AP1S2: variants seen among roughly 807,000 people sequenced by gnomAD.
The protein encoded by AP1S2 is adaptor related protein complex 1 subunit sigma 2.
In AP1S2, 1 loss-of-function variant was observed where a neutral mutation model predicts 14.3. The ratio of observed to expected loss-of-function variants is 0.07; its 90% CI spans 0.02 to 0.33. The LOEUF (loss-of-function observed/expected upper bound fraction) is 0.33. AP1S2 is among the 10% of genes least tolerant of loss of function. The pLI is 0.99. For missense variants in AP1S2, 30 were observed against 117.7 expected (o/e 0.25, Z 3.45); for synonymous variants, 30 against 40.5 (o/e 0.74, Z 0.99).
chrX:15,847,977 A>G (rs1934049352), intron 2 of AP1S2, among the ~76,000 whole-genome samples: 1 of 112,044 alleles, frequency 8.9e-6, no homozygotes, highest in Non-Finnish European at 1.9e-5. Flanking sequence ...CCTTATCCAC[A>G]GTACTGCCTC....
intron 4 of AP1S2, among the ~76,000 whole-genome samples, chrX:15,844,464 T>A (rs1174092073): frequency 3.6e-4 from 41 of 112,818 alleles, no homozygotes; most frequent in African/African-American, 1.3e-3. Flanking sequence ...TCAAGACTTT[T>A]ACATACATGC....
At chrX:15,845,856 C>T in intron 3 of AP1S2, 47 bp downstream of exon 3, 1 of 1,065,333 alleles carries the variant, frequency 9.4e-7, no homozygotes, top group Non-Finnish European at 1.3e-6. Flanking sequence ...GAAAAGGTTC[C>T]AAAATATACT....
intron 4 of AP1S2, among the ~76,000 whole-genome samples, chrX:15,836,778 G>A (rs1318104921): frequency 9.0e-6 from 1 of 111,516 alleles, no homozygotes; most frequent in Non-Finnish European, 1.9e-5. Flanking sequence ...CAGCTACTCG[G>A]GAGGCTGAGG....
intron 4 of AP1S2, chrX:15,832,565 A>G: frequency 4.9e-5 from 37 of 755,599 alleles, no homozygotes; most frequent in Non-Finnish European, 5.6e-5. Context: ...AGCAAGTTAA[A>G]ATCATATTAA....
chrX:15,851,305 T>C (rs1367132012), intron 2 of AP1S2, among the ~76,000 whole-genome samples: 1 of 111,987 alleles, frequency 8.9e-6, no homozygotes, highest in African/African-American at 3.2e-5. Context: ...TTTAAGAAAC[T>C]TATGTCTTGT....
At chrX:15,851,320 T>G (rs1333831446) in intron 2 of AP1S2, among the ~76,000 whole-genome samples, 1 of 112,148 alleles carries the variant, frequency 8.9e-6, no homozygotes, top group East Asian at 2.8e-4. Flanking sequence ...TCTTGTAATC[T>G]CCATTTCTTC....
chrX:15,846,094 G>GC (rs763717703), intron 2 of AP1S2, 83 bp from the exon 3 acceptor site: 1 of 724,731 alleles, frequency 1.4e-6, no homozygotes, highest in East Asian at 3.2e-5. Flanking sequence ...ATTATGAAAA[G>GC]CCCCAAGTTT....
chrX:15,830,341 CTGAT>C (rs780043511), intron 4 of AP1S2: 1 of 752,151 alleles, frequency 1.3e-6, no homozygotes, highest in Non-Finnish European at 1.6e-6. Flanking sequence ...AATTTCCCAC[CTGAT>C]TGATAGCACA....
intron 4 of AP1S2, among the ~76,000 whole-genome samples, chrX:15,838,527 T>C: frequency 9.2e-6 from 1 of 109,146 alleles, no homozygotes; most frequent in Non-Finnish European, 1.9e-5. Flanking sequence ...CCACAGACTA[T>C]TCCCTTTGCA....
chrX:15,841,924 C>A (rs1933847818), intron 4 of AP1S2, among the ~76,000 whole-genome samples: 1 of 112,017 alleles, frequency 8.9e-6, no homozygotes, highest in African/African-American at 3.2e-5. Flanking sequence ...CCTAGTAGAT[C>A]TGGGTTTAGA....
chrX:15,839,627 C>T (rs993052253), intron 4 of AP1S2, among the ~76,000 whole-genome samples: 1 of 107,945 alleles, frequency 9.3e-6, no homozygotes, highest in Non-Finnish European at 1.9e-5. Context: ...ACTACAGACA[C>T]ACACCACCAT....
chrX:15,854,454 C>T (rs1198002010), intron 1 of AP1S2, among the ~76,000 whole-genome samples: 1 of 112,485 alleles, frequency 8.9e-6, no homozygotes, highest in East Asian at 2.8e-4. Context: ...CCACAGGTGC[C>T]GCGAGGCTGT....
intron 4 of AP1S2, among the ~76,000 whole-genome samples, chrX:15,844,215 T>C (rs757896810): frequency 8.9e-6 from 1 of 112,120 alleles, no homozygotes; most frequent in South Asian, 3.7e-4. Flanking sequence ...CCTCACAGAG[T>C]CCAAGAGTTA....
chrX:15,845,149 G>A (rs373715259), intron 4 of AP1S2: 4 of 753,899 alleles, frequency 5.3e-6, no homozygotes, highest in African/African-American at 2.3e-5. Flanking sequence ...TCCAAAAAGG[G>A]CCATTGGGAA....
intron 2 of AP1S2, among the ~76,000 whole-genome samples, chrX:15,851,270 C>A (rs765708708): frequency 6.2e-5 from 7 of 112,222 alleles, no homozygotes; most frequent in Non-Finnish European, 1.3e-4. Flanking sequence ...AAAGATCATT[C>A]AATAATAAAG....
intron 4 of AP1S2, chrX:15,829,985 G>T: frequency 1.9e-6 from 1 of 527,021 alleles, no homozygotes; most frequent in Non-Finnish European, 2.3e-6. Context: ...TAAAAAATTT[G>T]CCTAGAAAAA....
chrX:15,845,060 C>T lies in AP1S2; in HGVS notation c.426+319G>A, dbSNP rs765005578. ...GAAGCAATAGATGGAGAGTTCTCAACTTACTGCTACTTTCAGCCAATCTTT... is the reference window on the plus strand; with the variant it reads ...GAAGCAATAGATGGAGAGTTCTCAATTTACTGCTACTTTCAGCCAATCTTT... On this transcript the variant is annotated intron_variant, in intron 4 of 5. Transcript: ENST00000672987. 42 of 749,861 alleles carry T rather than the reference C, an allele frequency of 5.6e-5. 1 individual carries two copies. In the South Asian group the frequency reaches 2.4e-3, roughly 43 times the overall value. The allele number at this position is 749,861 out of a possible 1,213,427, so 61.8% of individuals were successfully genotyped here. A position where few individuals can be genotyped will look rare whatever the true frequency, so the allele number is the denominator to read the frequency against.
chrX:15,842,307 T>C (rs1448425781), intron 4 of AP1S2, among the ~76,000 whole-genome samples: 3 of 112,306 alleles, frequency 2.7e-5, no homozygotes, highest in Non-Finnish European at 5.6e-5. Context: ...ATCTTGCCAT[T>C]CCTGCATTTC....
At chrX:15,833,804 A>G (rs1933507846) in intron 4 of AP1S2, among the ~76,000 whole-genome samples, 1 of 111,633 alleles carries the variant, frequency 9.0e-6, no homozygotes, top group Admixed American at 9.5e-5. Flanking sequence ...AAATTATATC[A>G]ATTAGGAATT....
Sources: gnomAD v4.1 joint callset for allele counts (sites outside exome capture counted in the v4.1 genomes callset) on GRCh38, gnomAD v4.1.1 for gene constraint, MANE v1.5 for transcripts, NCBI Gene and HGNC (gene_info 2026-07-23, HGNC 2026-07-21) for gene names.